The following RBFOX1 variants were observed in gnomAD, a reference collection of about 807,000 sequenced individuals.
RBFOX1 encodes the protein RNA binding fox-1 homolog 1.
A neutral mutation model predicts 57.7 loss-of-function variants in RBFOX1; 8 were observed. That is an observed-to-expected ratio of 0.14 (90% CI 0.08 to 0.25). RBFOX1 has a LOEUF of 0.25. RBFOX1 is among the 10% of genes least tolerant of loss of function. RBFOX1 has a pLI of 1.00. For missense variants in RBFOX1, 611 were observed against 548.5 expected (o/e 1.11, Z -1.14); for synonymous variants, 326 against 222.4 (o/e 1.47, Z -4.15).
intron 1 of RBFOX1, among the ~76,000 whole-genome samples, chr16:6,303,902 C>G (rs1395995525): frequency 6.7e-6 from 1 of 148,666 alleles, no homozygotes; most frequent in Non-Finnish European, 1.5e-5. Flanking sequence ...ACCTCCCCCT[C>G]CTGGGTTCAA....
intron 4 of RBFOX1, among the ~76,000 whole-genome samples, chr16:7,056,713 T>C (rs1318837497): frequency 1.3e-5 from 2 of 152,182 alleles, no homozygotes; most frequent in East Asian, 3.9e-4. Context: ...CAAAGGGATC[T>C]TTGTGCTTGA....
intron 4 of RBFOX1, among the ~76,000 whole-genome samples, chr16:7,375,153 G>T (rs1272140112): frequency 6.6e-6 from 1 of 152,184 alleles, no homozygotes; most frequent in East Asian, 1.9e-4. Context: ...AGTAACGTTG[G>T]TAGATTAATA....
rs182353099 is a variant in RBFOX1, at chr16:5,810,066, A to G, written c.319-57237A>G. On this transcript the variant is annotated intron_variant, in intron 3 of 19. Coordinates refer to the RBFOX1 transcript ENST00000641259. The stretch of plus-strand genomic sequence containing the variant: ...TGGAAATCATCATTCTCAGTAAACT[A>G]TCGCAAGGACAAAAAACCAAACACC... Among the ~76,000 whole-genome samples, 570 of 152,230 alleles carry G rather than the reference A, an allele frequency of 3.7e-3. 1 individual carries two copies. Among genetic ancestry groups the G allele is most frequent in the Middle Eastern group, 0.014 (4 of 294 alleles).
chr16:6,680,798 T>G (rs1415455444), intron 3 of RBFOX1, among the ~76,000 whole-genome samples: 1 of 152,182 alleles, frequency 6.6e-6, no homozygotes, highest in East Asian at 1.9e-4. Flanking sequence ...TGCAAACCAT[T>G]TTTTAAATAA....
chr16:5,672,137 G>A (rs2050030078), intron 3 of RBFOX1, among the ~76,000 whole-genome samples: 1 of 152,104 alleles, frequency 6.6e-6, no homozygotes, highest in Admixed American at 6.5e-5. Context: ...TCTCAGTCTG[G>A]GGGCAGGCAG....
chr16:6,998,274 A>T (rs1596467106), intron 3 of RBFOX1, among the ~76,000 whole-genome samples: 1 of 152,324 alleles, frequency 6.6e-6, no homozygotes, highest in Non-Finnish European at 1.5e-5. Context: ...GGGGTTCTAG[A>T]AACTGGCTTA....
chr16:6,946,067 C>G (rs188973691), intron 3 of RBFOX1, among the ~76,000 whole-genome samples: 3 of 152,204 alleles, frequency 2.0e-5, no homozygotes, highest in Non-Finnish European at 4.4e-5. Context: ...TTAAAGCACC[C>G]TTTCCCCAGC....
At chr16:7,507,336 A>G (rs572724233) in intron 4 of RBFOX1, among the ~76,000 whole-genome samples, 1 of 152,230 alleles carries the variant, frequency 6.6e-6, no homozygotes, top group South Asian at 2.1e-4. Flanking sequence ...ATGTGTGTAG[A>G]TTATTTCATT....
At chr16:6,757,540 C>G (rs1021174839) in intron 3 of RBFOX1, among the ~76,000 whole-genome samples, 2 of 152,066 alleles carry the variant, frequency 1.3e-5, no homozygotes, top group African/African-American at 4.8e-5. Context: ...CTGAAATAAG[C>G]TGAGCACAGA....
At chr16:6,147,236 G>A (rs528580491) in intron 1 of RBFOX1, among the ~76,000 whole-genome samples, 17 of 152,228 alleles carry the variant, frequency 1.1e-4, no homozygotes, top group Non-Finnish European at 2.2e-4. Flanking sequence ...CTCTCTTAGC[G>A]TCCTCTGCTG....
chr16:6,888,850 T>C (rs1239869608), intron 3 of RBFOX1, among the ~76,000 whole-genome samples: 1 of 152,216 alleles, frequency 6.6e-6, no homozygotes, highest in Non-Finnish European at 1.5e-5. Flanking sequence ...TTATGTCCTT[T>C]ATTCATCCCT....
intron 1 of RBFOX1, among the ~76,000 whole-genome samples, chr16:6,154,401 AG>A (rs1474521227): frequency 2.0e-5 from 3 of 152,240 alleles, no homozygotes; most frequent in Non-Finnish European, 2.9e-5. Flanking sequence ...TATGACATGT[AG>A]GCATTGTAAC....
intron 10 of RBFOX1, among the ~76,000 whole-genome samples, chr16:7,609,227 C>G (rs1381978211): frequency 6.6e-6 from 1 of 152,074 alleles, no homozygotes; most frequent in African/African-American, 2.4e-5. Flanking sequence ...GAACAAGAAG[C>G]CTTCTTGTGG....
At chr16:6,652,112 T>C (rs1278687510) in intron 2 of RBFOX1, among the ~76,000 whole-genome samples, 3 of 152,122 alleles carry the variant, frequency 2.0e-5, no homozygotes, top group Non-Finnish European at 2.9e-5. Context: ...GGTTAAGTGA[T>C]GTCATAAGGG....
chr16:6,434,047 C>A (rs1458881092), intron 2 of RBFOX1, among the ~76,000 whole-genome samples: 1 of 151,988 alleles, frequency 6.6e-6, no homozygotes, highest in African/African-American at 2.4e-5. Flanking sequence ...GGGGCTTCAC[C>A]ATGTTGGTCA....
chr16:7,218,634 G>C (rs202180470), intron 4 of RBFOX1, among the ~76,000 whole-genome samples: 44,631 of 124,420 alleles, frequency 0.36, 8,209 homozygotes, highest in East Asian at 0.71. Context: ...TTTGCTGTGT[G>C]TGTGTGTGTG....
intron 3 of RBFOX1, among the ~76,000 whole-genome samples, chr16:6,776,197 G>A (rs1567195320): frequency 1.3e-5 from 2 of 151,986 alleles, no homozygotes; most frequent in Non-Finnish European, 2.9e-5. Context: ...AGATCACTAG[G>A]TCGGGAGATC....
chr16:7,111,082 C>G (rs544308927), intron 4 of RBFOX1, among the ~76,000 whole-genome samples: 7 of 152,268 alleles, frequency 4.6e-5, no homozygotes, highest in African/African-American at 1.2e-4. Flanking sequence ...AGCCAAATAA[C>G]TGTGGTTCAC....
intron 1 of RBFOX1, among the ~76,000 whole-genome samples, chr16:5,271,546 C>G (rs1408461882): frequency 6.6e-6 from 1 of 152,240 alleles, no homozygotes; most frequent in Non-Finnish European, 1.5e-5. Flanking sequence ...CATGGCGACG[C>G]AGGTTCAAGC....
Sources: allele counts gnomAD v4.1 joint callset (sites outside exome capture counted in the v4.1 genomes callset), GRCh38; gene constraint gnomAD v4.1.1; transcripts MANE v1.5; gene names NCBI Gene and HGNC (gene_info 2026-07-23, HGNC 2026-07-21).